CRACDL: variants seen among roughly 807,000 people sequenced by gnomAD.
The protein encoded by CRACDL is CRACD-like protein.
Under a neutral mutation model 70.6 loss-of-function variants are expected in CRACDL, and 26 were observed. That is an observed-to-expected ratio of 0.37 (90% CI 0.27 to 0.51). The LOEUF is 0.51. Ranked by LOEUF, CRACDL falls within the 20% of genes least tolerant of loss-of-function variation. The pLI, the probability that CRACDL is intolerant of heterozygous loss-of-function variation, is 0.94. For missense variants in CRACDL, 1,283 were observed against 1,376.9 expected (o/e 0.93, Z 1.08); for synonymous variants, 618 against 615.2 (o/e 1.00, Z -0.07).
intron 1 of CRACDL, among the ~76,000 whole-genome samples, chr2:98,854,216 A>G (rs1573077808): frequency 6.8e-6 from 1 of 146,032 alleles, no homozygotes; most frequent in Admixed American, 7.0e-5. Context: ...GGGAGGCAGA[A>G]GTTGCAGTGA....
At chr2:98,873,448 A>T (rs1233793332) in intron 1 of CRACDL, among the ~76,000 whole-genome samples, 1 of 152,174 alleles carries the variant, frequency 6.6e-6, no homozygotes, top group Non-Finnish European at 1.5e-5. Flanking sequence ...TAATGTAGCA[A>T]TGCACAACCC....
chr2:98,827,780 G>A (rs1284850546), intron 5 of CRACDL, among the ~76,000 whole-genome samples: 1 of 152,152 alleles, frequency 6.6e-6, no homozygotes, highest in African/African-American at 2.4e-5. Context: ...CTTCAGACAA[G>A]AGCTTTCTCT....
At chr2:98,837,552 T>C (rs1559225829) in intron 3 of CRACDL, among the ~76,000 whole-genome samples, 1 of 152,228 alleles carries the variant, frequency 6.6e-6, no homozygotes, top group Non-Finnish European at 1.5e-5. Flanking sequence ...ATATGTACTG[T>C]AACTATATTT....
chr2:98,914,020 G>A (rs143954324), intron 1 of CRACDL, among the ~76,000 whole-genome samples: 13 of 152,342 alleles, frequency 8.5e-5, no homozygotes, highest in Non-Finnish European at 1.5e-4. Flanking sequence ...AATGGGCATT[G>A]TATGTGCCCT....
chr2:98,794,584 A>G lies in CRACDL; in HGVS notation c.2837T>C (p.Leu946Pro). The G allele has an allele frequency of 6.2e-7, 1 of 1,613,900 alleles. No individual in the cohort carries two copies. The highest frequency in any genetic ancestry group is 8.5e-7 in the Non-Finnish European group (1 of 1,179,770). Residue 946 changes from leucine (L) to proline (P), a missense_variant, in exon 10 of 10, where the codon CTT (leucine) becomes CCT (proline). Physicochemically the swap from Leu to Pro is moderately conservative, Grantham distance 98. Transcript: ENST00000397899. ...ASTDQPSWME[L>P]ARKKSQAWSD... The stretch of plus-strand genomic sequence containing the variant: ...CCAAGCTTGAGATTTCTTTCTGGCA[A>G]GTTCCATCCAGGATGGCTGATCTGT...
At chr2:98,843,417 A>AT (rs759508327) in intron 2 of CRACDL, among the ~76,000 whole-genome samples, 9 of 151,992 alleles carry the variant, frequency 5.9e-5, no homozygotes, top group Non-Finnish European at 1.0e-4. Context: ...CAATTTATAC[A>AT]TTTTTTCCTT....
intron 1 of CRACDL, among the ~76,000 whole-genome samples, chr2:98,879,574 C>G (rs765929987): frequency 1.3e-5 from 2 of 152,114 alleles, no homozygotes; most frequent in Non-Finnish European, 2.9e-5. Flanking sequence ...TCAGAGATGG[C>G]GTCTCACTCT....
At chr2:98,798,327 A>G (rs1703920942) in intron 7 of CRACDL, among the ~76,000 whole-genome samples, 1 of 151,816 alleles carries the variant, frequency 6.6e-6, no homozygotes, top group Non-Finnish European at 1.5e-5. Context: ...CCTGGACAAG[A>G]GTGACACTCT....
intron 1 of CRACDL, among the ~76,000 whole-genome samples, chr2:98,898,185 G>C (rs1429657484): frequency 1.3e-5 from 2 of 152,250 alleles, no homozygotes; most frequent in African/African-American, 4.8e-5. Flanking sequence ...CCCTTGACTG[G>C]AATGTGAATG....
chr2:98,825,692 C>T (rs1201121801), intron 6 of CRACDL, among the ~76,000 whole-genome samples: 1 of 152,236 alleles, frequency 6.6e-6, no homozygotes, highest in Non-Finnish European at 1.5e-5. Flanking sequence ...ACACAGCACA[C>T]AGCCTTTAAC....
chr2:98,871,861 GA>G (rs1239761253), intron 1 of CRACDL, among the ~76,000 whole-genome samples: 2 of 152,176 alleles, frequency 1.3e-5, no homozygotes, highest in Non-Finnish European at 2.9e-5. Flanking sequence ...GCAATGGGGG[GA>G]AAATCAGCTA....
chr2:98,879,732 C>T (rs970197309), intron 1 of CRACDL, among the ~76,000 whole-genome samples: 5 of 152,304 alleles, frequency 3.3e-5, no homozygotes, highest in Non-Finnish European at 5.9e-5. Context: ...TTTTAGTAAA[C>T]ACAGGGTTTC....
At chr2:98,889,137 G>C (rs1250554315) in intron 1 of CRACDL, among the ~76,000 whole-genome samples, 1 of 147,672 alleles carries the variant, frequency 6.8e-6, no homozygotes, top group African/African-American at 2.5e-5. Context: ...AAAAAAAAGG[G>C]GGGGGAAGAA....
At chr2:98,852,560 G>A (rs1706524169) in intron 1 of CRACDL, among the ~76,000 whole-genome samples, 1 of 151,910 alleles carries the variant, frequency 6.6e-6, no homozygotes, top group Non-Finnish European at 1.5e-5. Context: ...AGACTTTAAA[G>A]AAGCTACTTA....
intron 7 of CRACDL, among the ~76,000 whole-genome samples, chr2:98,800,389 T>A (rs1704023840): frequency 6.6e-6 from 1 of 152,124 alleles, no homozygotes; most frequent in Non-Finnish European, 1.5e-5. Context: ...GGGTCTTTTC[T>A]GTCTTTTTTC....
chr2:98,855,945 A>G (rs564813138), intron 1 of CRACDL, among the ~76,000 whole-genome samples: 1 of 152,332 alleles, frequency 6.6e-6, no homozygotes, highest in South Asian at 2.1e-4. Context: ...ATGCAATTTG[A>G]AGGAAAAAAA....
chr2:98,902,746 C>T (rs1052389797), intron 1 of CRACDL, among the ~76,000 whole-genome samples: 41 of 152,070 alleles, frequency 2.7e-4, no homozygotes, highest in African/African-American at 9.4e-4. Flanking sequence ...GCCCAGCCTC[C>T]CTGGCCTCTG....
chr2:98,930,986 C>G (rs1709059373), intron 1 of CRACDL, among the ~76,000 whole-genome samples: 1 of 152,048 alleles, frequency 6.6e-6, no homozygotes, highest in African/African-American at 2.4e-5. Flanking sequence ...CCCACCCCAT[C>G]TAAGGGGTGA....
chr2:98,885,844 AG>A (rs1490446649), intron 1 of CRACDL, among the ~76,000 whole-genome samples: 4 of 152,202 alleles, frequency 2.6e-5, no homozygotes, highest in Admixed American at 6.5e-5. Context: ...ACCAAAAGCA[AG>A]TGACATCAGC....
Sources: gnomAD v4.1 joint callset for allele counts (sites outside exome capture counted in the v4.1 genomes callset) on GRCh38, gnomAD v4.1.1 for gene constraint, MANE v1.5 for transcripts, NCBI Gene and HGNC (gene_info 2026-07-23, HGNC 2026-07-21) for gene names.